The following CSMD1 variants were observed in gnomAD, a reference collection of about 807,000 sequenced individuals.
The protein encoded by CSMD1 is CUB and sushi domain-containing protein 1.
Under a neutral mutation model 417.5 loss-of-function variants are expected in CSMD1, and 213 were observed. That is an observed-to-expected ratio of 0.51 (90% CI 0.46 to 0.57). The LOEUF (loss-of-function observed/expected upper bound fraction) is 0.57. Among genes scored for constraint, CSMD1 ranks in the 20% least tolerant of loss-of-function variants. The pLI, the probability that CSMD1 is intolerant of heterozygous loss-of-function variation, is 0.00. For missense variants in CSMD1, 6,923 were observed against 4,529.7 expected, an observed-to-expected ratio of 1.53 and a Z score of -15.17; for synonymous variants, 2,862 against 1,736.8, an observed-to-expected ratio of 1.65 and a Z score of -16.11.
intron 3 of CSMD1, among the ~76,000 whole-genome samples, chr8:4,235,786 T>C (rs1018076093): frequency 2.6e-5 from 4 of 152,212 alleles, no homozygotes; most frequent in African/African-American, 9.7e-5. Context: ...TCTTTTTCTT[T>C]TTTTCTTTGA....
chr8:4,207,433 T>G lies in CSMD1; in HGVS notation c.416-175334A>C, dbSNP rs559084190. ...TCATATTTTGTCTTCAACCAACTAT[T>G]TTACAGTCATTTAATTGAACCATAT... On this transcript the variant is annotated intron_variant, in intron 3 of 69. Transcript: ENST00000635120. 1.2e-4 allele frequency among the ~76,000 whole-genome samples: 19 copies of G among 152,258 alleles called. No individual in the cohort carries two copies. In the South Asian group the frequency reaches 3.5e-3, roughly 28 times the overall value.
chr8:3,635,612 T>C (rs1023180442), intron 7 of CSMD1, among the ~76,000 whole-genome samples: 3 of 150,610 alleles, frequency 2.0e-5, no homozygotes, highest in African/African-American at 7.3e-5. Context: ...ACCTCCTGAG[T>C]AGCTGGGACT....
intron 2 of CSMD1, among the ~76,000 whole-genome samples, chr8:4,424,924 T>A (rs1045062511): frequency 2.0e-5 from 3 of 152,046 alleles, no homozygotes; most frequent in African/African-American, 7.2e-5. Context: ...ATTAAATACA[T>A]TGGAAAGGTT....
At position 4,866,980 on chromosome 8, in the gene CSMD1, T is replaced by C. The variant is rs188815358; in HGVS notation, c.85+127352A>G. On this transcript the variant is annotated intron_variant, in intron 1 of 69. Coordinates refer to ENST00000635120, the MANE Select transcript of CSMD1 (RefSeq NM_033225.6). ...GGAACAATCTTAAATACTAGAGACA[T>C]TGTATTTCCTCAGCATATTACTACT... Among the ~76,000 whole-genome samples the C allele has an allele frequency of 1.8e-4, 28 of 152,146 alleles. 1 individual carries two copies. In the East Asian group the frequency reaches 5.0e-3, roughly 27 times the overall value.
At chr8:3,808,920 A>C (rs1195672348) in intron 5 of CSMD1, among the ~76,000 whole-genome samples, 3 of 152,190 alleles carry the variant, frequency 2.0e-5, no homozygotes, top group African/African-American at 7.2e-5. Flanking sequence ...GGCAAGCCTC[A>C]ATTCCGTGTT....
At chr8:4,293,791 T>C (rs964492347) in intron 3 of CSMD1, among the ~76,000 whole-genome samples, 3 of 152,202 alleles carry the variant, frequency 2.0e-5, no homozygotes, top group Admixed American at 6.5e-5. Flanking sequence ...ACAAGGAACA[T>C]TGAAGCAAAA....
rs146409995 is a variant in CSMD1, at chr8:3,243,986, C to G, written c.4154-13755G>C. 4.5e-3 allele frequency among the ~76,000 whole-genome samples: 687 copies of G among 152,174 alleles called. 5 individuals carry two copies. Among genetic ancestry groups the G allele is most frequent in the Admixed American group, 0.01 (158 of 15,270 alleles). ...CATAGAAGTACGTTTGCTTAGCATACGCATCATTTAAAACATCCCTGCGTA... is the reference window on the plus strand; with the variant it reads ...CATAGAAGTACGTTTGCTTAGCATAGGCATCATTTAAAACATCCCTGCGTA... On this transcript the variant is annotated intron_variant, in intron 26 of 69. Coordinates refer to ENST00000635120, the MANE Select transcript of CSMD1 (RefSeq NM_033225.6).
chr8:3,182,839 A>T (rs1212204163), intron 36 of CSMD1, among the ~76,000 whole-genome samples: 1 of 6,322 alleles, frequency 1.6e-4, no homozygotes, highest in African/African-American at 3.7e-4. Context: ...TCTTTATAAG[A>T]AGGTGTGTGT....
At chr8:3,043,146 T>C (rs993851979) in intron 50 of CSMD1, among the ~76,000 whole-genome samples, 4 of 151,606 alleles carry the variant, frequency 2.6e-5, no homozygotes, top group Non-Finnish European at 5.9e-5. Flanking sequence ...TATAGTGATA[T>C]ACATATAGCG....
At chr8:4,286,412 A>AC (rs1308869742) in intron 3 of CSMD1, among the ~76,000 whole-genome samples, 1 of 152,112 alleles carries the variant, frequency 6.6e-6, no homozygotes, top group Non-Finnish European at 1.5e-5. Context: ...TTAACATGAG[A>AC]CAGAGAAAAA....
chr8:4,968,057 T>C (rs1180764004), intron 1 of CSMD1, among the ~76,000 whole-genome samples: 1 of 152,040 alleles, frequency 6.6e-6, no homozygotes, highest in Non-Finnish European at 1.5e-5. Context: ...CAAATTAGAG[T>C]TCTTAGGTTA....
chr8:3,972,394 G>C (rs964037796), intron 5 of CSMD1, among the ~76,000 whole-genome samples: 1 of 152,036 alleles, frequency 6.6e-6, no homozygotes, highest in Non-Finnish European at 1.5e-5. Context: ...ACAAACACAA[G>C]TATATTAGAA....
intron 6 of CSMD1, among the ~76,000 whole-genome samples, chr8:3,727,781 C>T (rs967672724): frequency 1.3e-5 from 2 of 152,102 alleles, no homozygotes; most frequent in African/African-American, 2.4e-5. Context: ...ATAATTTAGT[C>T]TTAAAAAGGA....
Position 3,286,444 on chromosome 8 carries a change from G to C in CSMD1, c.3951-2098C>G, listed in dbSNP as rs112465834. ...TTGAACTAGTTTACAGTCCCACCAA[G>C]AGTGTGAAAGTGTTCCTATTTCTCC... On this transcript the variant is annotated intron_variant, in intron 25 of 69. Coordinates refer to ENST00000635120, the MANE Select transcript of CSMD1 (RefSeq NM_033225.6). 8.5e-5 allele frequency among the ~76,000 whole-genome samples: 13 copies of C among 152,212 alleles called. No homozygotes were observed. The South Asian group carries it at 1.0e-3, about 12-fold the overall frequency.
intron 9 of CSMD1, among the ~76,000 whole-genome samples, chr8:3,584,939 ACAAT>A (rs1055281194): frequency 4.6e-5 from 7 of 152,276 alleles, no homozygotes; most frequent in South Asian, 2.1e-4. Flanking sequence ...TGAAAAATGC[ACAAT>A]CAAAGTTGTC....
intron 5 of CSMD1, among the ~76,000 whole-genome samples, chr8:3,837,671 G>C (rs1050269943): frequency 5.9e-5 from 9 of 152,124 alleles, no homozygotes; most frequent in African/African-American, 2.2e-4. Context: ...ATAGGCACAG[G>C]GATGTCTGCT....
Position 4,019,198 on chromosome 8 carries a change from T to C in CSMD1, c.610+12707A>G, listed in dbSNP as rs1262160175. Among the ~76,000 whole-genome samples the C allele has an allele frequency of 7.2e-5, 11 of 152,298 alleles. No homozygotes were observed. In the East Asian group the frequency reaches 1.2e-3, roughly 16 times the overall value. ...TCAACAGTCCAAGACAGGTTTATTA[T>C]GGACAATAAACCTGAGAGAGGCTCC... On this transcript the variant is annotated intron_variant, in intron 4 of 69. Transcript: ENST00000635120.
chr8:4,157,443 A>G (rs755910177), intron 3 of CSMD1, among the ~76,000 whole-genome samples: 1 of 151,536 alleles, frequency 6.6e-6, no homozygotes, highest in East Asian at 1.9e-4. Flanking sequence ...ATTTTCCCCT[A>G]CCTCCTTCCC....
chr8:4,616,115 T>G (rs1271202578), intron 2 of CSMD1, among the ~76,000 whole-genome samples: 3 of 152,174 alleles, frequency 2.0e-5, no homozygotes, highest in African/African-American at 7.2e-5. Flanking sequence ...TTAGACATCT[T>G]CCTATAACAT....
Sources: allele counts gnomAD v4.1 joint callset (sites outside exome capture counted in the v4.1 genomes callset), GRCh38; gene constraint gnomAD v4.1.1; transcripts MANE v1.5; gene names NCBI Gene and HGNC (gene_info 2026-07-23, HGNC 2026-07-21).